NDE1: variants seen among roughly 807,000 people sequenced by gnomAD.
NDE1 encodes the protein nuclear distribution protein nudE homolog 1.
A neutral mutation model predicts 43.4 loss-of-function variants in NDE1; 28 were observed. The observed-to-expected ratio is 0.65, with a 90% CI of 0.48 to 0.89. The LOEUF is 0.89. Ranked by LOEUF, NDE1 falls within the 40% of genes least tolerant of loss-of-function variation. NDE1 has a pLI of 0.00. For synonymous variants in NDE1, 184 were observed against 172.0 expected (o/e 1.07, Z -0.55); for missense variants, 441 against 434.1 (o/e 1.02, Z -0.14).
At chr16:15,705,405 G>C (rs74009407) in intron 8 of NDE1, among the ~76,000 whole-genome samples, 60 of 152,344 alleles carry the variant, frequency 3.9e-4, no homozygotes, top group African/African-American at 1.4e-3. Flanking sequence ...GGCTGGTCAC[G>C]TGAGGGGAGA....
chr16:15,724,960 G>T lies in NDE1; in HGVS notation c.*709G>T. 1.2e-6 allele frequency: 2 copies of T among 1,614,084 alleles called. No homozygotes were observed. Among genetic ancestry groups the T allele is most frequent in the Non-Finnish European group, 1.7e-6 (2 of 1,180,020 alleles). On this transcript the variant is annotated 3_prime_UTR_variant, in exon 9 of 9. Transcript: ENST00000396354. The stretch of plus-strand genomic sequence containing the variant: ...GCTTAATGGCCTTCCCCTCGGCCTC[G>T]TTAAGCATCCCTGTGACGCTCTCAA...
At chr16:15,681,871 G>A (rs1366467196) in intron 4 of NDE1, among the ~76,000 whole-genome samples, 1 of 151,936 alleles carries the variant, frequency 6.6e-6, no homozygotes, top group African/African-American at 2.4e-5. Flanking sequence ...CCACTGCCAC[G>A]CCTGGCTAAT....
At chr16:15,651,417 TG>T (rs1468692052) in intron 1 of NDE1, 2 of 151,194 alleles carry the variant, frequency 1.3e-5, no homozygotes, top group African/African-American at 2.4e-5. Flanking sequence ...ATCACCTCGT[TG>T]GTATACAACC....
chr16:15,705,181 C>T (rs1352822323), intron 8 of NDE1, among the ~76,000 whole-genome samples: 1 of 151,712 alleles, frequency 6.6e-6, no homozygotes, highest in African/African-American at 2.4e-5. Context: ...GGGATTTTGC[C>T]ATGTGACCCA....
At chr16:15,704,802 A>C (rs1373391172) in intron 8 of NDE1, among the ~76,000 whole-genome samples, 2 of 152,204 alleles carry the variant, frequency 1.3e-5, no homozygotes, top group African/African-American at 4.8e-5. Flanking sequence ...ACAGGTGCCC[A>C]GTGAATATTA....
At position 15,695,435 on chromosome 16, in the gene NDE1, G is replaced by A. The variant is rs1486589454; in HGVS notation, c.795+1179G>A. On this transcript the variant is annotated intron_variant, in intron 7 of 8. Coordinates refer to ENST00000396354, the MANE Select transcript of NDE1 (RefSeq NM_017668.3). ...ATGCAGGAAAATTGTTTGAATCCGG[G>A]AGGCGGAGGTTGCAGTGAGCTGAGA... 7 of 927,866 alleles carry A rather than the reference G, an allele frequency of 7.5e-6. No individual in the cohort carries two copies. In the African/African-American group the frequency reaches 1.3e-4, roughly 17 times the overall value. 57.5% of individuals were successfully genotyped at this position (927,866 alleles called of 1,614,324 possible). A position where few individuals can be genotyped will look rare whatever the true frequency, so the allele number is the denominator to read the frequency against.
intron 4 of NDE1, among the ~76,000 whole-genome samples, chr16:15,679,504 A>G (rs564232770): frequency 3.3e-5 from 5 of 152,144 alleles, no homozygotes; most frequent in African/African-American, 4.8e-5. Flanking sequence ...TCTCTCTCCA[A>G]TCTGCCATTA....
chr16:15,677,460 G>T (rs1172767671), intron 3 of NDE1, among the ~76,000 whole-genome samples: 2 of 151,984 alleles, frequency 1.3e-5, no homozygotes, highest in African/African-American at 2.4e-5. Context: ...TTGGTGGGTG[G>T]CTGTATTCCC....
At chr16:15,693,302 G>C (rs140158119) in intron 6 of NDE1, among the ~76,000 whole-genome samples, 1 of 152,156 alleles carries the variant, frequency 6.6e-6, no homozygotes, top group Non-Finnish European at 1.5e-5. Flanking sequence ...ACTGTGCCTG[G>C]CCGAGAGATT....
chr16:15,685,856 A>G (rs1596609799), intron 4 of NDE1, among the ~76,000 whole-genome samples: 1 of 152,172 alleles, frequency 6.6e-6, no homozygotes, highest in Non-Finnish European at 1.5e-5. Context: ...CAGGTTGTGT[A>G]AGGTCTGGGG....
chr16:15,651,105 A>G (rs1279762931), intron 1 of NDE1, among the ~76,000 whole-genome samples: 1 of 152,146 alleles, frequency 6.6e-6, no homozygotes, highest in Non-Finnish European at 1.5e-5. Flanking sequence ...TGGGGAGGCG[A>G]CTTTATCTTC....
chr16:15,691,360 A>G, intron 6 of NDE1, 37 bp downstream of exon 6: 1 of 1,606,198 alleles, frequency 6.2e-7, no homozygotes, highest in East Asian at 2.2e-5. Flanking sequence ...TTCTCGGTTC[A>G]CAAAGTGTTT....
intron 1 of NDE1, among the ~76,000 whole-genome samples, chr16:15,654,617 CAAAAAAA>C (rs74269304): frequency 1.2e-5 from 1 of 82,380 alleles, no homozygotes; most frequent in Admixed American, 1.3e-4. Context: ...AAAAAAAAAA[CAAAAAAA>C]AAAAAAACAA....
rs183290176 is a variant in NDE1 at position 15,695,626 on chromosome 16, A to T, written c.796-1083A>T. On this transcript the variant is annotated intron_variant, in intron 7 of 8. Transcript: ENST00000396354. ...TAGGTATTCTTTGTAGTTTATTTTT[A>T]AAAATGATGCCTAGAAGGCCACATA... is the stretch of plus-strand genomic sequence containing the variant. 2,028 of 985,314 alleles carry T rather than the reference A, an allele frequency of 2.1e-3. 27 individuals carry two copies. The African/African-American group carries it at 0.032, about 16-fold the overall frequency. The allele number at this position is 985,314 out of a possible 1,614,324, so 61.0% of individuals were successfully genotyped here. A position where few individuals can be genotyped will look rare whatever the true frequency, so the allele number is the denominator to read the frequency against.
At chr16:15,706,235 C>G (rs928815221) in intron 8 of NDE1, among the ~76,000 whole-genome samples, 8 of 152,166 alleles carry the variant, frequency 5.3e-5, no homozygotes, top group Non-Finnish European at 8.8e-5. Context: ...TACTAGAGAA[C>G]TCTCCATCCT....
At chr16:15,646,775 G>A (rs796378031), upstream of NDE1, among the ~76,000 whole-genome samples, 9 of 151,506 alleles carry the variant, frequency 5.9e-5, no homozygotes, top group African/African-American at 2.2e-4. Context: ...GGGAGGCTTG[G>A]TGTGGTGGCT....
rs973347203 is a variant in NDE1, at chr16:15,721,644, A to G, written c.948-2547A>G. The G allele has an allele frequency of 6.2e-7, 1 of 1,613,926 alleles. No homozygotes were observed. Among genetic ancestry groups the G allele is most frequent in the African/African-American group, 1.3e-5 (1 of 74,928 alleles). On this transcript the variant is annotated intron_variant, in intron 8 of 8. Coordinates refer to ENST00000396354, the MANE Select transcript of NDE1 (RefSeq NM_017668.3). Reference sequence around the variant, plus strand: ...TCTCCTCGGCTAACAACTACAACACAAGACCCAGAGGTGACTTCTAGGCAT... The same window carrying G: ...TCTCCTCGGCTAACAACTACAACACGAGACCCAGAGGTGACTTCTAGGCAT...
chr16:15,687,233 T>C (rs1275295620), intron 4 of NDE1, 142 bp from the exon 5 acceptor site: 1 of 1,559,212 alleles, frequency 6.4e-7, no homozygotes, highest in East Asian at 2.3e-5. Context: ...TTAAGGGACT[T>C]GGCCCACTCT....
rs1163236813 is a variant in NDE1, at chr16:15,725,794, G to C, written c.*1543G>C. 1 of 398,348 alleles carries C rather than the reference G, an allele frequency of 2.5e-6. No individual in the cohort carries two copies. The highest frequency in any genetic ancestry group is 4.4e-6 in the Non-Finnish European group (1 of 226,012). The allele number at this position is 398,348 out of a possible 1,614,324, so 24.7% of individuals were successfully genotyped here. ...AAGGCAGGGTAAATGGCTATGCCAAGTGAAAGAAGACCAAAGACAAAAAGA... is the reference window on the plus strand; with the variant it reads ...AAGGCAGGGTAAATGGCTATGCCAACTGAAAGAAGACCAAAGACAAAAAGA... On this transcript the variant is annotated 3_prime_UTR_variant, in exon 9 of 9. Coordinates refer to ENST00000396354, the MANE Select transcript of NDE1 (RefSeq NM_017668.3).
Sources: gnomAD v4.1 joint callset for allele counts (sites outside exome capture counted in the v4.1 genomes callset) on GRCh38, gnomAD v4.1.1 for gene constraint, MANE v1.5 for transcripts, NCBI Gene and HGNC (gene_info 2026-07-23, HGNC 2026-07-21) for gene names.